RBPMS2: variants seen among roughly 807,000 people sequenced by gnomAD.
RBPMS2 encodes the protein RNA-binding protein with multiple splicing 2.
RBPMS2 carries 14 observed loss-of-function variants against 25.7 expected under a neutral mutation model. The observed-to-expected ratio is 0.55, with a 90% CI of 0.36 to 0.85. The LOEUF (loss-of-function observed/expected upper bound fraction) is 0.85, where lower values mean the gene tolerates loss of function less well. RBPMS2 is among the 40% of genes least tolerant of loss of function. RBPMS2 has a pLI of 0.01. For missense variants in RBPMS2, 252 were observed against 283.4 expected, an observed-to-expected ratio of 0.89 and a Z score of 0.80; for synonymous variants, 127 against 115.6, an observed-to-expected ratio of 1.10 and a Z score of -0.63.
chr15:64,758,699 C>CT (rs2141068594), intron 1 of RBPMS2, among the ~76,000 whole-genome samples: 1 of 150,806 alleles, frequency 6.6e-6, no homozygotes, highest in Admixed American at 6.6e-5. Context: ...CAGAGCTGCT[C>CT]TTTTCTGAGG....
rs531976213 is a variant in RBPMS2 at position 64,768,828 on chromosome 15, C to T, written c.87+6405G>A. 5.4e-3 allele frequency among the ~76,000 whole-genome samples: 813 copies of T among 149,364 alleles called. 8 individuals carry two copies. Among genetic ancestry groups the T allele is most frequent in the Middle Eastern group, 0.025 (7 of 276 alleles). ...AAAAAAAGGAATTTAAGGCCGGGCG[C>T]CGTGGCTCATGTCTGTAATCCCAGC... On this transcript the variant is annotated intron_variant, in intron 1 of 7. Transcript: ENST00000300069.
chr15:64,748,951 G>C, intron 5 of RBPMS2, 49 bp downstream of exon 5: 1 of 1,604,078 alleles, frequency 6.2e-7, no homozygotes, highest in Non-Finnish European at 8.5e-7. Flanking sequence ...CTGCAAGTCT[G>C]CCCTGAATGC....
intron 1 of RBPMS2, among the ~76,000 whole-genome samples, chr15:64,766,220 C>T (rs1262920906): frequency 2.0e-5 from 3 of 152,120 alleles, no homozygotes; most frequent in Admixed American, 6.6e-5. Flanking sequence ...CTCAGTTGGC[C>T]GTGAGTTGAC....
intron 1 of RBPMS2, among the ~76,000 whole-genome samples, chr15:64,770,393 G>T (rs2083884722): frequency 6.6e-6 from 1 of 152,166 alleles, no homozygotes; most frequent in African/African-American, 2.4e-5. Context: ...TGATAATAAT[G>T]TAAGTACTTC....
chr15:64,774,274 C>G (rs1367196145), intron 1 of RBPMS2, among the ~76,000 whole-genome samples: 5 of 152,178 alleles, frequency 3.3e-5, no homozygotes, highest in African/African-American at 7.2e-5. Context: ...CAGGAAGGCT[C>G]TCTCACCCCT....
At chr15:64,742,607 C>G (rs2083572729) in intron 6 of RBPMS2, among the ~76,000 whole-genome samples, 1 of 152,232 alleles carries the variant, frequency 6.6e-6, no homozygotes, top group Non-Finnish European at 1.5e-5. Flanking sequence ...CTGTCCCAGC[C>G]TGACCCAGGA....
rs890847854 is a variant in RBPMS2, at chr15:64,769,867, T to G, written c.87+5366A>C. Among the ~76,000 whole-genome samples the G allele has an allele frequency of 2.6e-5, 4 of 151,966 alleles. No homozygotes were observed. In the South Asian group the frequency reaches 8.3e-4, roughly 32 times the overall value. On this transcript the variant is annotated intron_variant, in intron 1 of 7. Coordinates refer to ENST00000300069, the MANE Select transcript of RBPMS2 (RefSeq NM_194272.3). ...GCTTCTGGTTGGCATCACCCAAAAC[T>G]CAGCCATTAGAAACTTTAATTGCAG...
chr15:64,745,709 TTCTA>T (rs1240911231), intron 6 of RBPMS2, among the ~76,000 whole-genome samples: 2 of 152,240 alleles, frequency 1.3e-5, no homozygotes, highest in East Asian at 3.9e-4. Context: ...AAGGGGAAGA[TTCTA>T]TCAAGAGGGT....
intron 1 of RBPMS2, among the ~76,000 whole-genome samples, chr15:64,753,665 G>A (rs1273283496): frequency 1.3e-5 from 2 of 152,016 alleles, no homozygotes; most frequent in African/African-American, 4.8e-5. Flanking sequence ...GCAGAATCTC[G>A]GGCCGCTTGG....
chr15:64,744,421 G>A (rs1352554655), intron 6 of RBPMS2, among the ~76,000 whole-genome samples: 2 of 151,904 alleles, frequency 1.3e-5, no homozygotes, highest in South Asian at 2.1e-4. Context: ...AGCTGGGCGT[G>A]GTGGTACATG....
intron 1 of RBPMS2, among the ~76,000 whole-genome samples, chr15:64,771,341 A>G (rs2141080667): frequency 6.6e-6 from 1 of 152,312 alleles, no homozygotes; most frequent in South Asian, 2.1e-4. Context: ...TCCCCCTTGG[A>G]TATCAACATC....
intron 1 of RBPMS2, among the ~76,000 whole-genome samples, chr15:64,766,242 G>A (rs1280234953): frequency 6.6e-6 from 1 of 152,134 alleles, no homozygotes; most frequent in Non-Finnish European, 1.5e-5. Context: ...GACAGCCAAG[G>A]CAGATGCGCC....
chr15:64,774,743 C>CGGCCGGCCGGCCGGCG (rs1555431944), intron 1 of RBPMS2, among the ~76,000 whole-genome samples: 1 of 148,422 alleles, frequency 6.7e-6, no homozygotes, highest in Admixed American at 6.7e-5. Flanking sequence ...GCCGGCCGGC[C>CGGCCGGCCGGCCGGCG]CAGGCCTCCA....
At chr15:64,741,490 C>G (rs1195562656) in intron 6 of RBPMS2, among the ~76,000 whole-genome samples, 1 of 152,184 alleles carries the variant, frequency 6.6e-6, no homozygotes, top group East Asian at 1.9e-4. Flanking sequence ...CGTCTCATAC[C>G]CCAATCAGCC....
chr15:64,759,776 G>A (rs1689217873), intron 1 of RBPMS2, among the ~76,000 whole-genome samples: 2 of 152,234 alleles, frequency 1.3e-5, no homozygotes, highest in Admixed American at 6.5e-5. Context: ...GTGTTCAAGC[G>A]ATTCTCCTGC....
chr15:64,772,738 C>A (rs887531518), intron 1 of RBPMS2, among the ~76,000 whole-genome samples: 4 of 152,142 alleles, frequency 2.6e-5, no homozygotes, highest in African/African-American at 4.8e-5. Context: ...TCTAATCTCT[C>A]AGGAGCACCA....
chr15:64,741,475 G>A (rs1421313035), intron 6 of RBPMS2, among the ~76,000 whole-genome samples: 1 of 152,158 alleles, frequency 6.6e-6, no homozygotes, highest in Non-Finnish European at 1.5e-5. Context: ...GGAAAGTCAC[G>A]CAGGCGTCTC....
chr15:64,753,284 G>A (rs1468394403), intron 1 of RBPMS2, among the ~76,000 whole-genome samples: 3 of 152,134 alleles, frequency 2.0e-5, no homozygotes, highest in Non-Finnish European at 1.5e-5. Flanking sequence ...GGCCATTCTT[G>A]AAAGCATTAA....
chr15:64,754,447 A>C (rs963994171), intron 1 of RBPMS2, among the ~76,000 whole-genome samples: 3 of 152,172 alleles, frequency 2.0e-5, no homozygotes, highest in African/African-American at 7.2e-5. Context: ...CCCCGTCTCT[A>C]CTAAAAAATA....
Sources: allele counts gnomAD v4.1 joint callset (sites outside exome capture counted in the v4.1 genomes callset), GRCh38; gene constraint gnomAD v4.1.1; transcripts MANE v1.5; gene names NCBI Gene and HGNC (gene_info 2026-07-23, HGNC 2026-07-21).